Variants in TTC9 observed in about 807,000 individuals in gnomAD.
TTC9 encodes the protein tetratricopeptide repeat domain 9, also known as tetratricopeptide repeat protein 9A.
TTC9 carries 13 observed loss-of-function variants against 22.9 expected under a neutral mutation model. That is an observed-to-expected ratio of 0.57 (90% confidence interval 0.37 to 0.90). TTC9 has a LOEUF of 0.90. Ranked by LOEUF, TTC9 falls within the 40% of genes least tolerant of loss-of-function variation. TTC9 has a pLI of 0.01. For missense variants in TTC9, 280 were observed against 291.8 expected (o/e 0.96, Z 0.29); for synonymous variants, 148 against 133.2 (o/e 1.11, Z -0.77).
chr14:70,661,847 C>T (rs1886148837), intron 1 of TTC9, among the ~76,000 whole-genome samples: 1 of 152,206 alleles, frequency 6.6e-6, no homozygotes, highest in South Asian at 2.1e-4. Flanking sequence ...ACCCTAACCG[C>T]CTAAGGCTGG....
Position 70,673,111 on chromosome 14 carries a change from T to C in TTC9, c.*1956T>C, listed in dbSNP as rs1886319550. On this transcript the variant is annotated 3_prime_UTR_variant, in exon 3 of 3. Coordinates refer to ENST00000256367, the MANE Select transcript of TTC9 (RefSeq NM_015351.2). The stretch of plus-strand genomic sequence containing the variant: ...AGCTGAGGTCCAATAGTTATGTCTG[T>C]GTATTGCTCATTCTACTTACTGATG... 6.6e-6 allele frequency: 1 copy of C among 152,164 alleles called. No homozygotes were observed. The highest frequency in any genetic ancestry group is 2.1e-4 in the South Asian group (1 of 4,832). The allele number at this position is 152,164 out of a possible 1,614,324, so 9.4% of individuals were successfully genotyped here.
chr14:70,651,084 G>A (rs1216955579), intron 1 of TTC9, among the ~76,000 whole-genome samples: 5 of 152,066 alleles, frequency 3.3e-5, no homozygotes, highest in Admixed American at 2.0e-4. Flanking sequence ...GGATTCAAGC[G>A]ATTCTCCTGC....
intron 1 of TTC9, among the ~76,000 whole-genome samples, chr14:70,645,776 C>T (rs1387164565): frequency 6.6e-6 from 1 of 152,144 alleles, no homozygotes; most frequent in South Asian, 2.1e-4. Context: ...CTGGGGGAGT[C>T]TGAATATATT....
chr14:70,668,679 C>G (rs1400452963), intron 2 of TTC9, among the ~76,000 whole-genome samples: 1 of 151,450 alleles, frequency 6.6e-6, no homozygotes, highest in African/African-American at 2.4e-5. Flanking sequence ...GGTGAAACCC[C>G]ATCTCTACTA....
intron 1 of TTC9, among the ~76,000 whole-genome samples, chr14:70,659,316 C>G (rs1185420253): frequency 1.3e-5 from 2 of 152,134 alleles, no homozygotes; most frequent in Non-Finnish European, 2.9e-5. Flanking sequence ...TGTAGTATTT[C>G]TTACAACGGT....
At chr14:70,656,210 T>TAC (rs34334641) in intron 1 of TTC9, among the ~76,000 whole-genome samples, 5,796 of 147,960 alleles carry the variant, frequency 0.039, 112 homozygotes, top group Admixed American at 0.068. Flanking sequence ...TTCACCCTGA[T>TAC]ACACACACAC....
At chr14:70,653,721 T>C (rs1202712749) in intron 1 of TTC9, among the ~76,000 whole-genome samples, 1 of 107,182 alleles carries the variant, frequency 9.3e-6, no homozygotes, top group Non-Finnish European at 2.3e-5. Flanking sequence ...ACCCTGTCTT[T>C]GAAATGAAAA....
intron 2 of TTC9, among the ~76,000 whole-genome samples, chr14:70,669,343 G>A (rs983024461): frequency 6.6e-6 from 1 of 151,972 alleles, no homozygotes; most frequent in Non-Finnish European, 1.5e-5. Flanking sequence ...GCAGTGGTGT[G>A]ATCTCAGCTC....
At chr14:70,654,031 G>T (rs539897875) in intron 1 of TTC9, among the ~76,000 whole-genome samples, 118 of 152,262 alleles carry the variant, frequency 7.7e-4, no homozygotes, top group African/African-American at 2.7e-3. Context: ...GTAGGATGAA[G>T]AAAGTCCTTG....
rs1886293027 is a variant in TTC9, at chr14:70,671,385, G to A, written c.*230G>A. ...ATGGAGACATCCTCTCCTCTAGCAGGTCAGCGACTGAGAGGGGCCTGACTT... is the reference window on the plus strand; with the variant it reads ...ATGGAGACATCCTCTCCTCTAGCAGATCAGCGACTGAGAGGGGCCTGACTT... On this transcript the variant is annotated 3_prime_UTR_variant, in exon 3 of 3. Coordinates refer to ENST00000256367, the MANE Select transcript of TTC9 (RefSeq NM_015351.2). 1 of 430,464 alleles carries A rather than the reference G, an allele frequency of 2.3e-6. No individual in the cohort carries two copies. Among genetic ancestry groups the A allele is most frequent in the South Asian group, 2.4e-5 (1 of 41,966 alleles). 26.7% of individuals were successfully genotyped at this position (430,464 alleles called of 1,614,324 possible).
chr14:70,642,925 C>T (rs963574191), intron 1 of TTC9, among the ~76,000 whole-genome samples: 2 of 152,216 alleles, frequency 1.3e-5, no homozygotes, highest in African/African-American at 2.4e-5. Flanking sequence ...GGAGGCCACG[C>T]ACCTGTCTGC....
chr14:70,647,794 G>A (rs1885925013), intron 1 of TTC9, among the ~76,000 whole-genome samples: 1 of 152,194 alleles, frequency 6.6e-6, no homozygotes, highest in Non-Finnish European at 1.5e-5. Flanking sequence ...AGAATTTCAA[G>A]AAGGCAATAG....
At chr14:70,664,030 T>C (rs967471715) in intron 1 of TTC9, among the ~76,000 whole-genome samples, 6 of 152,074 alleles carry the variant, frequency 3.9e-5, no homozygotes, top group African/African-American at 1.4e-4. Flanking sequence ...AAAAGAAGGA[T>C]AAAAATAGAA....
At chr14:70,662,016 C>T (rs9805907) in intron 1 of TTC9, among the ~76,000 whole-genome samples, 44,391 of 152,100 alleles carry the variant, frequency 0.29, 6,790 homozygotes, top group Middle Eastern at 0.38. Flanking sequence ...TCTTCCCACG[C>T]CTTGATAGAG....
intron 1 of TTC9, among the ~76,000 whole-genome samples, chr14:70,666,287 C>CTGTT (rs954852046): frequency 2.6e-5 from 4 of 152,134 alleles, no homozygotes; most frequent in African/African-American, 9.7e-5. Flanking sequence ...TCAAAGATGG[C>CTGTT]TGTTTGTGGG....
At chr14:70,663,771 G>A (rs1434846467) in intron 1 of TTC9, among the ~76,000 whole-genome samples, 2 of 152,188 alleles carry the variant, frequency 1.3e-5, no homozygotes, top group African/African-American at 4.8e-5. Flanking sequence ...CCAGCAGTTA[G>A]GCATCAATTT....
Position 70,670,395 on chromosome 14 carries a change from C to T in TTC9, c.590-681C>T, listed in dbSNP as rs138547088. On this transcript the variant is annotated intron_variant, in intron 2 of 2. Coordinates refer to ENST00000256367, the MANE Select transcript of TTC9 (RefSeq NM_015351.2). ...TTGGCTGGGCGCGGTGGCTCACTCA[C>T]GCCTCTGATCCCAGCACTTTGGGAG... is the stretch of plus-strand genomic sequence containing the variant. Among the ~76,000 whole-genome samples, 18 of 152,230 alleles carry T rather than the reference C, an allele frequency of 1.2e-4. No individual in the cohort carries two copies. In the East Asian group the frequency reaches 2.1e-3, roughly 18 times the overall value.
Position 70,654,587 on chromosome 14 carries a change from C to CAAA in TTC9, c.406+12085_406+12087dup, listed in dbSNP as rs61046584. 6.9e-3 allele frequency among the ~76,000 whole-genome samples: 393 copies of CAAA among 57,098 alleles called. 20 individuals are homozygous for CAAA. The highest frequency in any genetic ancestry group is 0.016 in the African/African-American group (191 of 12,096). 37.5% of individuals were successfully genotyped at this position (57,098 alleles called of 152,430 possible). On this transcript the variant is annotated intron_variant, in intron 1 of 2. Transcript: ENST00000256367. ...CCTGGGCAACAGTAAGGCTCTGTCT[C>CAAA]AAAAAAAAAAAAAAAAAAAAAAAAA...
At position 70,673,132 on chromosome 14, in the gene TTC9, T is replaced by C. The variant is rs973370609; in HGVS notation, c.*1977T>C. On this transcript the variant is annotated 3_prime_UTR_variant, in exon 3 of 3. Coordinates refer to ENST00000256367, the MANE Select transcript of TTC9 (RefSeq NM_015351.2). The stretch of plus-strand genomic sequence containing the variant: ...TCTGTGTATTGCTCATTCTACTTAC[T>C]GATGGAGCCAGCATGTATCTCAACA... 6.6e-6 allele frequency: 1 copy of C among 152,214 alleles called. No homozygotes were observed. Among genetic ancestry groups the C allele is most frequent in the Non-Finnish European group, 1.5e-5 (1 of 68,052 alleles). The allele number at this position is 152,214 out of a possible 1,614,324, so 9.4% of individuals were successfully genotyped here.
Sources: gnomAD v4.1 joint callset for allele counts (sites outside exome capture counted in the v4.1 genomes callset) on GRCh38, gnomAD v4.1.1 for gene constraint, MANE v1.5 for transcripts, NCBI Gene and HGNC (gene_info 2026-07-23, HGNC 2026-07-21) for gene names.